ZNF148: variants seen among roughly 807,000 people sequenced by gnomAD.
ZNF148 encodes the protein Beta-Enolase Repressor Factor-1.
In ZNF148, 7 loss-of-function variants were observed where a neutral mutation model predicts 67.7. The observed-to-expected ratio is 0.10, with a 90% CI of 0.06 to 0.19. The LOEUF is 0.19. ZNF148 is among the 10% of genes least tolerant of loss of function. The pLI, the probability that ZNF148 is intolerant of heterozygous loss-of-function variation, is 1.00. For synonymous variants in ZNF148, 333 were observed against 330.7 expected (o/e 1.01, Z -0.08); for missense variants, 583 against 947.1 (o/e 0.62, Z 5.05).
Position 125,345,264 on chromosome 3 carries a change from C to G in ZNF148, c.-233-14026G>C, listed in dbSNP as rs192620980. Among the ~76,000 whole-genome samples, 1,071 of 152,022 alleles carry G rather than the reference C, an allele frequency of 7.0e-3. 9 individuals are homozygous for G. Among genetic ancestry groups the G allele is most frequent in the Admixed American group, 0.016 (249 of 15,272 alleles). On this transcript the variant is annotated intron_variant, in intron 1 of 8. Transcript: ENST00000360647. ...ACAACAGGAAAATCTCTAAATAGAG[C>G]AATAAACAACACACTTTTAAAAAGT...
intron 1 of ZNF148, among the ~76,000 whole-genome samples, chr3:125,334,162 G>A (rs772066108): frequency 4.6e-5 from 7 of 152,074 alleles, no homozygotes; most frequent in Admixed American, 2.0e-4. Flanking sequence ...CCACCCTTCC[G>A]CTATTTAGTT....
intron 1 of ZNF148, among the ~76,000 whole-genome samples, chr3:125,348,601 TGAA>T: frequency 6.6e-6 from 1 of 151,950 alleles, no homozygotes; most frequent in African/African-American, 2.4e-5. Flanking sequence ...TGAAAGAAAT[TGAA>T]GACACAAATA....
At chr3:125,340,856 C>T (rs1400392481) in intron 1 of ZNF148, among the ~76,000 whole-genome samples, 3 of 150,396 alleles carry the variant, frequency 2.0e-5, no homozygotes, top group South Asian at 2.1e-4. Flanking sequence ...GGCGTAGTGG[C>T]GGGCGCCTGT....
At chr3:125,321,282 T>C (rs1940759081) in intron 3 of ZNF148, among the ~76,000 whole-genome samples, 1 of 152,248 alleles carries the variant, frequency 6.6e-6, no homozygotes, top group African/African-American at 2.4e-5. Context: ...CTCTGATCAG[T>C]GCTAACAAGA....
intron 1 of ZNF148, among the ~76,000 whole-genome samples, chr3:125,361,635 C>T (rs1376386242): frequency 1.6e-4 from 24 of 152,068 alleles, no homozygotes; most frequent in Non-Finnish European, 1.5e-5. Context: ...AGTTCGACAC[C>T]AGCCCTGGCC....
chr3:125,268,355 AATAG>A (rs145722666), intron 7 of ZNF148, among the ~76,000 whole-genome samples: 5,227 of 152,102 alleles, frequency 0.034, 285 homozygotes, highest in African/African-American at 0.12. Flanking sequence ...CTGGTACAAA[AATAG>A]ATACACAAAC....
At chr3:125,364,750 A>G (rs1232885889) in intron 1 of ZNF148, among the ~76,000 whole-genome samples, 1 of 152,224 alleles carries the variant, frequency 6.6e-6, no homozygotes, top group African/African-American at 2.4e-5. Context: ...TGGTGGCTAC[A>G]TAAATTTATA....
At chr3:125,279,995 T>TA (rs1169182575) in intron 5 of ZNF148, among the ~76,000 whole-genome samples, 18 of 146,338 alleles carry the variant, frequency 1.2e-4, no homozygotes, top group Admixed American at 4.8e-4. Flanking sequence ...TACCTATTAC[T>TA]AAAAAAAAAA....
intron 7 of ZNF148, among the ~76,000 whole-genome samples, chr3:125,260,889 A>G (rs1388338003): frequency 6.6e-6 from 1 of 152,214 alleles, no homozygotes; most frequent in Non-Finnish European, 1.5e-5. Context: ...GCAAAATAAA[A>G]TAAATCACTA....
chr3:125,275,497 A>C (rs1938005756), intron 7 of ZNF148, among the ~76,000 whole-genome samples: 1 of 152,192 alleles, frequency 6.6e-6, no homozygotes, highest in South Asian at 2.1e-4. Context: ...CTTGAGCTGA[A>C]ATCTTGGTTC....
At position 125,261,181 on chromosome 3, in the gene ZNF148, T is replaced by C. The variant is rs543362335; in HGVS notation, c.667+16545A>G. ...AGCTTTGCTGTGTAGCCATAGATAA[T>C]ACATTAAGGAACTGGTAAGGCTCTG... On this transcript the variant is annotated intron_variant, in intron 7 of 8. Transcript: ENST00000360647. Among the ~76,000 whole-genome samples, 8 of 152,274 alleles carry C rather than the reference T, an allele frequency of 5.3e-5. No homozygotes were observed. In the South Asian group the frequency reaches 1.0e-3, roughly 20 times the overall value.
chr3:125,344,501 C>T, intron 1 of ZNF148: 1 of 1,147,084 alleles, frequency 8.7e-7, no homozygotes, highest in South Asian at 1.2e-5. Context: ...TCCCTGAAGA[C>T]ATCATCTGGG....
intron 7 of ZNF148, among the ~76,000 whole-genome samples, chr3:125,262,877 T>A (rs529176660): frequency 2.0e-5 from 3 of 152,348 alleles, no homozygotes; most frequent in Non-Finnish European, 4.4e-5. Flanking sequence ...TGTATTCAAA[T>A]GTTTCTCACA....
chr3:125,279,272 A>G (rs951996309), intron 5 of ZNF148, 25 bp from the exon 6 acceptor site: 1 of 1,484,642 alleles, frequency 6.7e-7, no homozygotes, highest in Non-Finnish European at 9.0e-7. Context: ...AAAAGGCAAA[A>G]ACAAAAGAAA....
At chr3:125,333,127 G>A (rs910004149) in intron 1 of ZNF148, among the ~76,000 whole-genome samples, 1 of 152,078 alleles carries the variant, frequency 6.6e-6, no homozygotes, top group African/African-American at 2.4e-5. Flanking sequence ...CTATAGACTG[G>A]ACAAATGTTT....
At chr3:125,298,419 A>C (rs1390442519) in intron 4 of ZNF148, among the ~76,000 whole-genome samples, 2 of 151,300 alleles carry the variant, frequency 1.3e-5, no homozygotes, top group East Asian at 3.9e-4. Flanking sequence ...GTAATAACAA[A>C]TGTCAATCAA....
chr3:125,279,086 C>T (rs1219526709), intron 6 of ZNF148, 38 bp downstream of exon 6: 1 of 1,549,140 alleles, frequency 6.5e-7, no homozygotes, highest in African/African-American at 1.4e-5. Context: ...AAGATAATAA[C>T]TTTAATGGCC....
chr3:125,238,499 ACTCCTGT>A (rs917369813), intron 7 of ZNF148, among the ~76,000 whole-genome samples: 45 of 151,868 alleles, frequency 3.0e-4, no homozygotes, highest in African/African-American at 9.9e-4. Context: ...ATGGTGGCAC[ACTCCTGT>A]AATCCCAGCT....
intron 7 of ZNF148, among the ~76,000 whole-genome samples, chr3:125,273,137 T>C (rs1424714886): frequency 2.0e-5 from 3 of 152,212 alleles, no homozygotes; most frequent in Non-Finnish European, 4.4e-5. Flanking sequence ...AAGGGAAATA[T>C]AAAGGGTTAA....
Sources: gnomAD v4.1 joint callset for allele counts (sites outside exome capture counted in the v4.1 genomes callset) on GRCh38, gnomAD v4.1.1 for gene constraint, MANE v1.5 for transcripts, NCBI Gene and HGNC (gene_info 2026-07-23, HGNC 2026-07-21) for gene names.